The following TBX1 variants were observed in gnomAD, a reference collection of about 807,000 sequenced individuals.
TBX1 encodes T-box transcription factor 1.
A neutral mutation model predicts 40.8 loss-of-function variants in TBX1; 16 were observed. The ratio of observed to expected loss-of-function variants is 0.39; its 90% confidence interval spans 0.27 to 0.60. TBX1 has a LOEUF of 0.60. TBX1 is among the 20% of genes least tolerant of loss of function. The pLI, the probability that TBX1 is intolerant of heterozygous loss-of-function variation, is 0.51. For missense variants in TBX1, 755 were observed against 728.5 expected, an observed-to-expected ratio of 1.04 and a Z score of -0.42; for synonymous variants, 403 against 336.8, an observed-to-expected ratio of 1.20 and a Z score of -2.15.
At position 19,767,082 on chromosome 22, in the gene TBX1, A is replaced by G; in HGVS notation, c.*215A>G. 1 of 1,265,898 alleles carries G rather than the reference A, an allele frequency of 7.9e-7. No homozygotes were observed. Among genetic ancestry groups the G allele is most frequent in the Non-Finnish European group, 9.9e-7 (1 of 1,008,422 alleles). 78.4% of individuals were successfully genotyped at this position (1,265,898 alleles called of 1,614,324 possible). On this transcript the variant is annotated 3_prime_UTR_variant, in exon 7 of 7. Transcript: ENST00000649276. The stretch of plus-strand genomic sequence containing the variant: ...ATCCGGTTCCCCAGTCCCTGGAGCC[A>G]CCGCGGGTCCTTCCCCGGCCCCGAG...
chr22:19,767,298 G>T lies in TBX1; in HGVS notation c.*431G>T. On this transcript the variant is annotated 3_prime_UTR_variant, in exon 7 of 7. Transcript: ENST00000649276. ...CTGTAGATACTGTAGATACCGCCCC[G>T]GCGCCGACTTGATAAACGGTTTCGC... 1.0e-6 allele frequency: 1 copy of T among 993,228 alleles called. No individual in the cohort carries two copies. Among genetic ancestry groups the T allele is most frequent in the Non-Finnish European group, 1.2e-6 (1 of 835,254 alleles). The allele number at this position is 993,228 out of a possible 1,614,324, so 61.5% of individuals were successfully genotyped here. A position where few individuals can be genotyped will look rare whatever the true frequency, so the allele number is the denominator to read the frequency against.
In TBX1 at chr22:19,767,137, A is replaced by C. The variant is rs967630757; in HGVS notation, c.*270A>C. On this transcript the variant is annotated 3_prime_UTR_variant, in exon 7 of 7. Coordinates refer to ENST00000649276, the MANE Select transcript of TBX1 (RefSeq NM_001379200.1). The stretch of plus-strand genomic sequence containing the variant: ...AAGGGGGTCCCCGCCCGCCAGTGCC[A>C]AAGCGCCCGGTCGGAGGCGGAAGGA... 4.8e-6 allele frequency: 6 copies of C among 1,246,236 alleles called. No individual in the cohort carries two copies. In the African/African-American group the frequency reaches 7.9e-5, roughly 16 times the overall value. 77.2% of individuals were successfully genotyped at this position (1,246,236 alleles called of 1,614,324 possible).
downstream of TBX1, among the ~76,000 whole-genome samples, chr22:19,782,330 C>T (rs1022218116): frequency 3.3e-5 from 5 of 152,144 alleles, no homozygotes; most frequent in African/African-American, 4.8e-5. Flanking sequence ...TTTCTTTCAG[C>T]AGTGTTTTAT....
chr22:19,779,994 A>T (rs989521922), downstream of TBX1, among the ~76,000 whole-genome samples: 1 of 152,262 alleles, frequency 6.6e-6, no homozygotes, highest in Non-Finnish European at 1.5e-5. Flanking sequence ...TTAAATCGAC[A>T]TATAAAATTG....
rs1163307521 is a variant in TBX1, at chr22:19,766,647, A to G, written c.1295A>G (p.Tyr432Cys). 3.2e-6 allele frequency: 5 copies of G among 1,552,486 alleles called. No homozygotes were observed. In the Admixed American group the frequency reaches 7.2e-5, roughly 22 times the overall value. ...CCCTACAAATATCCGGCCGCCGCCT[A>G]CGACCACTATCTCGGGGCCAAGAGC... is the stretch of plus-strand genomic sequence containing the variant. ...HHPYKYPAAA[Y>C]DHYLGAKSRP... Residue 432 changes from tyrosine (Y) to cysteine (C), a missense_variant, in exon 7 of 7, where the codon TAC becomes TGC. Tyr to Cys is a radical substitution (Grantham distance 194). This residue lies in a region of TBX1 where 412 missense variants were observed against 317.6 expected (regional missense o/e 1.30). Coordinates refer to ENST00000649276, the MANE Select transcript of TBX1 (RefSeq NM_001379200.1).
downstream of TBX1, among the ~76,000 whole-genome samples, chr22:19,770,664 G>T (rs1291815418): frequency 6.6e-6 from 1 of 152,230 alleles, no homozygotes; most frequent in Non-Finnish European, 1.5e-5. Flanking sequence ...TCCAGCTGGG[G>T]AAGTCCATGG....
upstream of TBX1, among the ~76,000 whole-genome samples, chr22:19,759,037 G>C (rs1936553695): frequency 6.6e-6 from 1 of 152,218 alleles, no homozygotes; most frequent in South Asian, 2.1e-4. Flanking sequence ...GCCAAGGGCA[G>C]GGGCAGGGCT....
downstream of TBX1, among the ~76,000 whole-genome samples, chr22:19,781,028 C>T (rs561755209): frequency 7.2e-5 from 11 of 152,162 alleles, no homozygotes; most frequent in South Asian, 1.2e-3. Context: ...GTGATCCACC[C>T]GCCTCAGCCT....
chr22:19,760,862 A>C lies in TBX1; in HGVS notation c.19A>C (p.Ser7Arg). Residue 7 changes from serine (S) to arginine (R), a missense_variant, in exon 1 of 7, where the codon AGC becomes CGC. Ser to Arg is a moderately radical substitution (Grantham distance 110). Transcript: ENST00000649276. Reference protein sequence around the residue: MISAVSSPWLTQLSHFC... With the variant: MISAVSRPWLTQLSHFC... ...GCGGGTCATGATCTCCGCCGTGTCC[A>C]GCCCGTGGCTCACGCAGCTCTCGCA... 1.9e-6 allele frequency: 2 copies of C among 1,030,044 alleles called. No individual in the cohort carries two copies. The highest frequency in any genetic ancestry group is 2.4e-6 in the Non-Finnish European group (2 of 850,388). 63.8% of individuals were successfully genotyped at this position (1,030,044 alleles called of 1,614,324 possible).
intron 4 of TBX1, 31 bp from the exon 5 acceptor site, chr22:19,765,727 C>CAGCA: frequency 6.2e-7 from 1 of 1,610,174 alleles, no homozygotes; most frequent in African/African-American, 1.3e-5. Flanking sequence ...TGCAGGGCTC[C>CAGCA]AGCGGCTTGC....
Position 19,779,308 on chromosome 22 carries a change from T to A in TBX1, c.1098T>A (p.Gly366=), listed in dbSNP as rs753388756. ...AAGTGGAGCTTCTGAGGGATGCAGGTGGCTGTGTGAACCTGGGGCTCCCCT... is the reference window on the plus strand; with the variant it reads ...AAGTGGAGCTTCTGAGGGATGCAGGAGGCTGTGTGAACCTGGGGCTCCCCT... The change falls in exon 9 of 9, where the codon GGT becomes GGA. Residue 366 remains glycine, a synonymous_variant. Transcript: ENST00000329705. 3 of 1,614,218 alleles carry A rather than the reference T, an allele frequency of 1.9e-6. No individual in the cohort carries two copies. The East Asian group carries it at 6.7e-5, about 36-fold the overall frequency.
downstream of TBX1, among the ~76,000 whole-genome samples, chr22:19,767,629 C>T (rs1221157337): frequency 1.3e-5 from 2 of 152,230 alleles, no homozygotes; most frequent in African/African-American, 2.4e-5. Flanking sequence ...GTGGTACCGC[C>T]CAGGTGTGCA....
At chr22:19,771,138 TCTC>T (rs1248284050), downstream of TBX1, among the ~76,000 whole-genome samples, 11 of 152,232 alleles carry the variant, frequency 7.2e-5, no homozygotes, top group Non-Finnish European at 2.9e-5. Context: ...CCATCCTGCC[TCTC>T]CTCCTTGCCA....
At chr22:19,774,328 G>A (rs964020116) in intron 8 of TBX1, among the ~76,000 whole-genome samples, 2 of 152,198 alleles carry the variant, frequency 1.3e-5, no homozygotes, top group East Asian at 1.9e-4. Flanking sequence ...CAGGAGGATC[G>A]CTTGAGCCCA....
downstream of TBX1, among the ~76,000 whole-genome samples, chr22:19,782,289 T>A (rs577916370): frequency 3.3e-5 from 5 of 152,220 alleles, no homozygotes; most frequent in Admixed American, 3.3e-4. Flanking sequence ...TCCATGAACA[T>A]GGGATGTATT....
At chr22:19,759,284 T>C (rs1288011662), upstream of TBX1, among the ~76,000 whole-genome samples, 1 of 152,200 alleles carries the variant, frequency 6.6e-6, no homozygotes, top group East Asian at 1.9e-4. Flanking sequence ...GGCCCTGCAC[T>C]TCCAGGGTGC....
At position 19,766,539 on chromosome 22, in the gene TBX1, G is replaced by C; in HGVS notation, c.1187G>C (p.Gly396Ala). 7.4e-7 allele frequency: 1 copy of C among 1,348,122 alleles called. No homozygotes were observed. The highest frequency in any genetic ancestry group is 1.9e-5 in the South Asian group (1 of 53,026). 83.5% of individuals were successfully genotyped at this position (1,348,122 alleles called of 1,614,324 possible). A position where few individuals can be genotyped will look rare whatever the true frequency, so the allele number is the denominator to read the frequency against. ...GCCGGCGGCTTAGTCCCGCTGCCCG[G>C]CGCGCCCGGAGGCCGGCCCAGTCCC... ...GGAGGLVPLP[G>A]APGGRPSPPN... The change falls in exon 7 of 7, where the codon GGC becomes GCC. Residue 396 changes from glycine to alanine, a missense_variant. Gly to Ala is a moderately conservative substitution (Grantham distance 60, BLOSUM62 0). Coordinates refer to ENST00000649276, the MANE Select transcript of TBX1 (RefSeq NM_001379200.1).
In TBX1 at chr22:19,766,649, G is replaced by A. The variant is rs758517884; in HGVS notation, c.1297G>A (p.Asp433Asn). The change falls in exon 7 of 7, where the codon GAC becomes AAC. Residue 433 changes from aspartate (D) to asparagine (N), a missense_variant. Transcript: ENST00000649276. ...HPYKYPAAAY[D>N]HYLGAKSRPA... is the part of the protein sequence containing the mutation. Reference sequence around the variant, plus strand: ...CTACAAATATCCGGCCGCCGCCTACGACCACTATCTCGGGGCCAAGAGCCG... The same window carrying A: ...CTACAAATATCCGGCCGCCGCCTACAACCACTATCTCGGGGCCAAGAGCCG... The A allele has an allele frequency of 1.3e-6, 2 of 1,554,048 alleles. No individual in the cohort carries two copies. Among genetic ancestry groups the A allele is most frequent in the Admixed American group, 1.8e-5 (1 of 55,878 alleles).
At chr22:19,783,043 C>T (rs72646975), downstream of TBX1, 920 of 846,694 alleles carry the variant, frequency 1.1e-3, 4 homozygotes, top group African/African-American at 0.014. Flanking sequence ...GTTGGTGGTC[C>T]CCGCTGTGCC....
Sources: allele counts gnomAD v4.1 joint callset (sites outside exome capture counted in the v4.1 genomes callset), GRCh38; gene constraint gnomAD v4.1.1; regional missense constraint gnomAD v4.1.1; transcripts MANE v1.5; gene names NCBI Gene and HGNC (gene_info 2026-07-23, HGNC 2026-07-21).